Variants in SHTN1 observed in about 807,000 individuals in gnomAD.
SHTN1 encodes the protein shootin-1.
SHTN1 carries 42 observed loss-of-function variants against 83.1 expected under a neutral mutation model. The ratio of observed to expected loss-of-function variants is 0.51; its 90% CI spans 0.39 to 0.65. The LOEUF (loss-of-function observed/expected upper bound fraction) is 0.65. Ranked by LOEUF, SHTN1 falls within the 30% of genes least tolerant of loss-of-function variation. The pLI is 0.00. For missense variants in SHTN1, 622 were observed against 737.8 expected (o/e 0.84, Z 1.82); for synonymous variants, 224 against 247.7 (o/e 0.90, Z 0.90).
At chr10:116,901,205 C>T (rs1334831200) in intron 16 of SHTN1, 2 of 985,236 alleles carry the variant, frequency 2.0e-6, no homozygotes, top group Admixed American at 1.2e-4. Flanking sequence ...TCCACTAGAT[C>T]TGTCTGAAAC....
chr10:117,111,926 A>T (rs1352755266), intron 1 of SHTN1, among the ~76,000 whole-genome samples: 4 of 152,078 alleles, frequency 2.6e-5, no homozygotes, highest in Non-Finnish European at 4.4e-5. Context: ...ACCAAGTTCC[A>T]GCCCCCAAGC....
rs2133290225 is a variant in SHTN1, at chr10:116,883,744, C to T, written c.*2600G>A. 1 of 154,826 alleles carries T rather than the reference C, an allele frequency of 6.5e-6. No homozygotes were observed. The highest frequency in any genetic ancestry group is 2.4e-5 in the African/African-American group (1 of 41,526). 9.6% of individuals were successfully genotyped at this position (154,826 alleles called of 1,614,324 possible). A position where few individuals can be genotyped will look rare whatever the true frequency, so the allele number is the denominator to read the frequency against. ...GGTGAGTAGTTAGAGCCAAAGCATCCATCCTCCGTACTCAGGGCAAACTAT... is the reference window on the plus strand; with the variant it reads ...GGTGAGTAGTTAGAGCCAAAGCATCTATCCTCCGTACTCAGGGCAAACTAT... On this transcript the variant is annotated 3_prime_UTR_variant, in exon 17 of 17. Coordinates refer to ENST00000355371, the MANE Select transcript of SHTN1 (RefSeq NM_001127211.3).
chr10:116,954,120 C>G lies in SHTN1; in HGVS notation c.358G>C (p.Asp120His). Residue 120 changes from aspartate to histidine, a missense_variant, in exon 5 of 17, where the codon GAT (aspartate) becomes CAT (histidine). Physicochemically the swap from Asp to His is moderately conservative, Grantham distance 81 (BLOSUM62 -1). Coordinates refer to ENST00000355371, the MANE Select transcript of SHTN1 (RefSeq NM_001127211.3). The stretch of plus-strand genomic sequence containing the variant: ...GTGTCTGTAGTCGAATCTTCATCAT[C>G]AATGTTTATCTCTTCAGTTATTACA... ...PDVITEEINIDDEDSTTDTDG... is the reference protein window; with the variant it reads ...PDVITEEINIHDEDSTTDTDG... 6.2e-7 allele frequency: 1 copy of G among 1,613,892 alleles called. No individual in the cohort carries two copies. Among genetic ancestry groups the G allele is most frequent in the South Asian group, 1.1e-5 (1 of 91,066 alleles).
chr10:117,014,119 A>T (rs1158975229), intron 2 of SHTN1, among the ~76,000 whole-genome samples: 2 of 151,888 alleles, frequency 1.3e-5, no homozygotes, highest in Admixed American at 6.6e-5. Flanking sequence ...GAAACAGATC[A>T]TGGCTACCAG....
intron 1 of SHTN1, among the ~76,000 whole-genome samples, chr10:117,052,946 G>A (rs933986300): frequency 7.4e-6 from 1 of 135,434 alleles, no homozygotes; most frequent in African/African-American, 2.7e-5. Flanking sequence ...CGTGAACCTA[G>A]GAGGTGGAGC....
intron 2 of SHTN1, among the ~76,000 whole-genome samples, chr10:117,012,346 G>A (rs1418443291): frequency 6.6e-6 from 1 of 152,012 alleles, no homozygotes. Context: ...GAGGACTCAC[G>A]CTACCTGATT....
intron 16 of SHTN1, among the ~76,000 whole-genome samples, chr10:116,893,576 G>GCACACCCACACACACACA: frequency 8.1e-6 from 1 of 123,524 alleles, no homozygotes; most frequent in South Asian, 3.0e-4. Context: ...GCACTCATGT[G>GCACACCCACACACACACA]CACACACACA....
chr10:116,910,363 G>T (rs1848141598), intron 14 of SHTN1, among the ~76,000 whole-genome samples: 1 of 152,148 alleles, frequency 6.6e-6, no homozygotes, highest in South Asian at 2.1e-4. Context: ...AAGGATGGGG[G>T]CAATTTGCCC....
At chr10:116,904,932 T>A (rs886935438) in intron 15 of SHTN1, among the ~76,000 whole-genome samples, 1 of 152,128 alleles carries the variant, frequency 6.6e-6, no homozygotes, top group African/African-American at 2.4e-5. Flanking sequence ...CCGGGCGCGG[T>A]GGCTCACGCC....
chr10:116,901,579 G>T, intron 16 of SHTN1, 186 bp downstream of exon 16: 1 of 985,252 alleles, frequency 1.0e-6, no homozygotes, highest in South Asian at 4.7e-5. Context: ...TACTTGCTTT[G>T]GATCTGAATG....
intron 1 of SHTN1, among the ~76,000 whole-genome samples, chr10:117,060,249 A>G (rs185605491): frequency 1.1e-3 from 166 of 152,226 alleles, no homozygotes; most frequent in African/African-American, 3.9e-3. Context: ...ATAAAAATAT[A>G]TATTGTGATT....
intron 1 of SHTN1, among the ~76,000 whole-genome samples, chr10:116,990,287 C>CTTTTTTTTTTTTTTTTTTTTTTTT (rs11399364): frequency 4.2e-5 from 5 of 119,918 alleles, no homozygotes; most frequent in African/African-American, 6.4e-5. Flanking sequence ...TTTTTTCTTT[C>CTTTTTTTTTTTTTTTTTTTTTTTT]TTTTTTTTTT....
intron 9 of SHTN1, among the ~76,000 whole-genome samples, chr10:116,931,407 C>A (rs996058814): frequency 6.6e-6 from 1 of 152,070 alleles, no homozygotes; most frequent in Non-Finnish European, 1.5e-5. Context: ...TGTCACCACA[C>A]CCGGCTAATT....
chr10:116,971,412 A>G (rs1241900537), intron 2 of SHTN1, among the ~76,000 whole-genome samples: 4 of 152,248 alleles, frequency 2.6e-5, no homozygotes, highest in Non-Finnish European at 5.9e-5. Flanking sequence ...TCGAAATAGT[A>G]GAGTTCTAAA....
intron 5 of SHTN1, 67 bp from the exon 6 acceptor site, chr10:116,952,073 A>G: frequency 1.3e-6 from 1 of 770,154 alleles, no homozygotes; most frequent in South Asian, 3.3e-5. Context: ...AATCTGGTCA[A>G]AAGAATTGAA....
chr10:116,932,458 C>T (rs538122006), intron 9 of SHTN1, among the ~76,000 whole-genome samples: 1 of 152,262 alleles, frequency 6.6e-6, no homozygotes, highest in East Asian at 1.9e-4. Flanking sequence ...CATCCCAAAA[C>T]CATCCCCCAC....
At chr10:117,057,133 C>CA (rs1376513421) in intron 1 of SHTN1, among the ~76,000 whole-genome samples, 6 of 151,788 alleles carry the variant, frequency 4.0e-5, no homozygotes, top group South Asian at 2.1e-4. Flanking sequence ...AATCTAGAAT[C>CA]AAAAAAAATC....
intron 1 of SHTN1, among the ~76,000 whole-genome samples, chr10:117,054,601 G>A (rs746655690): frequency 4.5e-4 from 68 of 151,816 alleles, no homozygotes; most frequent in Admixed American, 6.6e-4. Flanking sequence ...TAGAGACGAG[G>A]TTTCACGGTG....
Position 117,108,652 on chromosome 10 carries a change from C to T in SHTN1, c.-189+17655G>A, listed in dbSNP as rs1853706609. Reference sequence around the variant, plus strand: ...AGCACAGCAACATGGCACATGTATACATATGTAACAAACCTGCACGTTGTG... The same window carrying T: ...AGCACAGCAACATGGCACATGTATATATATGTAACAAACCTGCACGTTGTG... On this transcript the variant is annotated intron_variant, in intron 1 of 17. Transcript: ENST00000392901. Among the ~76,000 whole-genome samples the T allele has an allele frequency of 3.3e-5, 5 of 151,404 alleles. No homozygotes were observed. The South Asian group carries it at 8.3e-4, about 25-fold the overall frequency.
Sources: gnomAD v4.1 joint callset for allele counts (sites outside exome capture counted in the v4.1 genomes callset) on GRCh38, gnomAD v4.1.1 for gene constraint, MANE v1.5 for transcripts, NCBI Gene and HGNC (gene_info 2026-07-23, HGNC 2026-07-21) for gene names.